DGKB: variants seen among roughly 807,000 people sequenced by gnomAD.
The protein encoded by DGKB is diacylglycerol kinase beta.
In DGKB, 67 loss-of-function variants were observed where a neutral mutation model predicts 114.3. That is an observed-to-expected ratio of 0.59 (90% confidence interval 0.48 to 0.72). The LOEUF (loss-of-function observed/expected upper bound fraction) is 0.72. DGKB is among the 30% of genes least tolerant of loss of function. The pLI, the probability that DGKB is intolerant of heterozygous loss-of-function variation, is 0.00. For missense variants in DGKB, 907 were observed against 975.2 expected, an observed-to-expected ratio of 0.93 and a Z score of 0.93; for synonymous variants, 398 against 323.1, an observed-to-expected ratio of 1.23 and a Z score of -2.49.
At chr7:14,734,938 A>G (rs559031632) in intron 5 of DGKB, among the ~76,000 whole-genome samples, 1 of 150,380 alleles carries the variant, frequency 6.6e-6, no homozygotes, top group African/African-American at 2.4e-5. Context: ...GAGAAGGCAC[A>G]GGGGTTGGGG....
At chr7:14,408,213 G>A (rs899442908) in intron 21 of DGKB, among the ~76,000 whole-genome samples, 4 of 152,120 alleles carry the variant, frequency 2.6e-5, no homozygotes, top group African/African-American at 9.7e-5. Flanking sequence ...ATCAGAGTAA[G>A]TGTGATTGAT....
rs1048705699 is a variant in DGKB, at chr7:14,449,251, C to T, written c.1835+28910G>A. Among the ~76,000 whole-genome samples the T allele has an allele frequency of 2.8e-4, 43 of 151,878 alleles. 1 individual carries two copies. Among genetic ancestry groups the T allele is most frequent in the Middle Eastern group, 6.3e-3 (2 of 316 alleles). On this transcript the variant is annotated intron_variant, in intron 21 of 25. Coordinates refer to ENST00000402815, the MANE Select transcript of DGKB (RefSeq NM_001350709.2). ...TTATTTTTTGTTGATGAGCAATAGCCGAGTGTTAAATGTGGAAAACATTGA... is the reference window on the plus strand; with the variant it reads ...TTATTTTTTGTTGATGAGCAATAGCTGAGTGTTAAATGTGGAAAACATTGA...
At chr7:14,390,388 G>A (rs1821134326) in intron 21 of DGKB, among the ~76,000 whole-genome samples, 1 of 152,084 alleles carries the variant, frequency 6.6e-6, no homozygotes, top group African/African-American at 2.4e-5. Flanking sequence ...CAGTTTTTGA[G>A]GGTTTTAGAA....
intron 6 of DGKB, among the ~76,000 whole-genome samples, chr7:14,704,541 A>C (rs1023820728): frequency 6.6e-6 from 1 of 151,890 alleles, no homozygotes; most frequent in Non-Finnish European, 1.5e-5. Flanking sequence ...AGCGAGACCG[A>C]CGCAGAAGAC....
At chr7:14,776,430 C>A (rs1488931744) in intron 2 of DGKB, among the ~76,000 whole-genome samples, 1 of 152,124 alleles carries the variant, frequency 6.6e-6, no homozygotes, top group Non-Finnish European at 1.5e-5. Flanking sequence ...GCCAGGAGGC[C>A]TTGGAGGAAA....
At chr7:14,377,350 A>G (rs1818657935) in intron 21 of DGKB, among the ~76,000 whole-genome samples, 1 of 152,246 alleles carries the variant, frequency 6.6e-6, no homozygotes, top group Non-Finnish European at 1.5e-5. Flanking sequence ...ATTATAATGT[A>G]CTAAGCTCTT....
chr7:14,261,400 A>G (rs797013073), intron 23 of DGKB, among the ~76,000 whole-genome samples: 6 of 152,280 alleles, frequency 3.9e-5, no homozygotes, highest in African/African-American at 1.4e-4. Context: ...GTTGGCATAG[A>G]TCATTCCAAG....
At chr7:14,212,507 A>G (rs1255934048) in intron 23 of DGKB, among the ~76,000 whole-genome samples, 1 of 152,022 alleles carries the variant, frequency 6.6e-6, no homozygotes, top group African/African-American at 2.4e-5. Flanking sequence ...TTTCCACCAT[A>G]TTCAACAATT....
chr7:14,177,508 C>T (rs1445152921), intron 24 of DGKB, among the ~76,000 whole-genome samples: 2 of 125,082 alleles, frequency 1.6e-5, no homozygotes, highest in South Asian at 2.6e-4. Context: ...GAGCCAAGAT[C>T]GTGCCACTGC....
chr7:14,964,684 C>G (rs1007825395), intron 1 of DGKB, among the ~76,000 whole-genome samples: 1 of 152,020 alleles, frequency 6.6e-6, no homozygotes, highest in Non-Finnish European at 1.5e-5. Context: ...GTGAGAAGAT[C>G]AAGCTCTCAT....
chr7:14,814,381 G>A lies in DGKB; in HGVS notation c.70+26813C>T, dbSNP rs1472473154. Among the ~76,000 whole-genome samples, 3 of 152,212 alleles carry A rather than the reference G, an allele frequency of 2.0e-5. No individual in the cohort carries two copies. In the East Asian group the frequency reaches 5.8e-4, roughly 29 times the overall value. On this transcript the variant is annotated intron_variant, in intron 2 of 25. Transcript: ENST00000402815. ...GGGATTTTTAAAATGATAACACTGA[G>A]CTGTTTTTATCAAGCCTGAAGCCTA...
At chr7:14,228,406 CTAT>C (rs1791170035) in intron 23 of DGKB, among the ~76,000 whole-genome samples, 1 of 151,858 alleles carries the variant, frequency 6.6e-6, no homozygotes, top group Non-Finnish European at 1.5e-5. Flanking sequence ...CTGAAGTGTC[CTAT>C]CTATTGTGAA....
At chr7:14,885,125 A>G (rs1388715086) in intron 1 of DGKB, among the ~76,000 whole-genome samples, 2 of 151,970 alleles carry the variant, frequency 1.3e-5, no homozygotes, top group East Asian at 3.9e-4. Flanking sequence ...TGAGCGAGGT[A>G]ACTTGATGTT....
In DGKB at chr7:14,709,925, C is replaced by G. The variant is rs543693728; in HGVS notation, c.467-8195G>C. On this transcript the variant is annotated intron_variant, in intron 6 of 25. Coordinates refer to ENST00000402815, the MANE Select transcript of DGKB (RefSeq NM_001350709.2). ...GGCACATGTATACATATGTAACTAA[C>G]CTGCACAATGTGCACATGTACCCTA... Among the ~76,000 whole-genome samples the G allele has an allele frequency of 1.1e-3, 162 of 147,858 alleles. 1 individual carries two copies. Among genetic ancestry groups the G allele is most frequent in the African/African-American group, 3.9e-3 (154 of 39,904 alleles).
At chr7:14,792,709 A>G (rs1313921613) in intron 2 of DGKB, among the ~76,000 whole-genome samples, 2 of 144,134 alleles carry the variant, frequency 1.4e-5, no homozygotes, top group East Asian at 4.0e-4. Flanking sequence ...CTTGCTTAAT[A>G]TAGTTACACT....
At chr7:14,554,015 G>A (rs1441289573) in intron 20 of DGKB, among the ~76,000 whole-genome samples, 1 of 151,838 alleles carries the variant, frequency 6.6e-6, no homozygotes, top group East Asian at 1.9e-4. Context: ...TGGGACTACA[G>A]GCAACCGTCA....
rs113334838 is a variant in DGKB at position 14,584,589 on chromosome 7, G to A, written c.1434-1452C>T. ...ATTTTTATACATTTCCTGGAGATGCGTAACCTGTCCTATGAAAAGAACACT... is the reference window on the plus strand; with the variant it reads ...ATTTTTATACATTTCCTGGAGATGCATAACCTGTCCTATGAAAAGAACACT... On this transcript the variant is annotated intron_variant, in intron 17 of 25. Transcript: ENST00000402815. Among the ~76,000 whole-genome samples, 1,098 of 152,108 alleles carry A rather than the reference G, an allele frequency of 7.2e-3. 15 individuals carry two copies. The highest frequency in any genetic ancestry group is 0.023 in the African/African-American group (975 of 41,490).
chr7:14,399,699 T>C (rs1419337378), intron 21 of DGKB, among the ~76,000 whole-genome samples: 3 of 151,914 alleles, frequency 2.0e-5, no homozygotes, highest in Non-Finnish European at 2.9e-5. Flanking sequence ...AGAAAGACTA[T>C]GGGATGACAT....
At chr7:14,958,431 A>T (rs1393107407) in intron 1 of DGKB, among the ~76,000 whole-genome samples, 1 of 102,536 alleles carries the variant, frequency 9.8e-6, no homozygotes, top group Non-Finnish European at 2.2e-5. Flanking sequence ...CTCCCAACAC[A>T]CACACACACA....
Sources: gnomAD v4.1 joint callset for allele counts (sites outside exome capture counted in the v4.1 genomes callset) on GRCh38, gnomAD v4.1.1 for gene constraint, MANE v1.5 for transcripts, NCBI Gene and HGNC (gene_info 2026-07-23, HGNC 2026-07-21) for gene names.